Variants in LRP1B observed in about 807,000 individuals in gnomAD.
LRP1B encodes the protein LDL receptor related protein 1B.
LRP1B carries 217 observed loss-of-function variants against 556.6 expected under a neutral mutation model. The ratio of observed to expected loss-of-function variants is 0.39; its 90% CI spans 0.35 to 0.44. The LOEUF is 0.44. Ranked by LOEUF, LRP1B falls within the 20% of genes least tolerant of loss-of-function variation. The pLI is 1.00. For synonymous variants in LRP1B, 2,047 were observed against 1,865.8 expected (o/e 1.10, Z -2.50); for missense variants, 5,053 against 5,620.8 (o/e 0.90, Z 3.23).
intron 1 of LRP1B, among the ~76,000 whole-genome samples, chr2:142,074,272 C>T (rs10201480): frequency 0.082 from 12,434 of 152,066 alleles, 547 homozygotes; most frequent in African/African-American, 0.092. Context: ...TCCAATTCTG[C>T]CTTTCCCAGT....
intron 3 of LRP1B, among the ~76,000 whole-genome samples, chr2:141,310,646 C>T (rs1686778993): frequency 6.6e-6 from 1 of 152,112 alleles, no homozygotes; most frequent in South Asian, 2.1e-4. Flanking sequence ...TACACGGACA[C>T]ACACAAAGAA....
intron 2 of LRP1B, among the ~76,000 whole-genome samples, chr2:141,779,213 A>G (rs1290732018): frequency 1.3e-5 from 2 of 151,996 alleles, no homozygotes; most frequent in Non-Finnish European, 2.9e-5. Context: ...AAATGATTGG[A>G]TTAGTTGTTT....
At chr2:141,024,603 T>G (rs1161820068) in intron 11 of LRP1B, among the ~76,000 whole-genome samples, 1 of 152,012 alleles carries the variant, frequency 6.6e-6, no homozygotes, top group Non-Finnish European at 1.5e-5. Context: ...TCTAAAATGA[T>G]GAATAAAATG....
At chr2:141,051,662 G>A (rs1373532294) in intron 10 of LRP1B, among the ~76,000 whole-genome samples, 1 of 152,052 alleles carries the variant, frequency 6.6e-6, no homozygotes, top group Non-Finnish European at 1.5e-5. Context: ...CTGAGAAAGA[G>A]CCGATATCTT....
At chr2:141,641,213 T>A (rs1689320348) in intron 2 of LRP1B, among the ~76,000 whole-genome samples, 1 of 128,276 alleles carries the variant, frequency 7.8e-6, no homozygotes, top group Admixed American at 7.9e-5. Flanking sequence ...TTGGTTACAG[T>A]GTGGTGCTAA....
intron 7 of LRP1B, among the ~76,000 whole-genome samples, chr2:141,162,193 A>G (rs1281593347): frequency 6.6e-6 from 1 of 152,104 alleles, no homozygotes. Flanking sequence ...TATTTTATAA[A>G]TATGCTTTTG....
At chr2:141,623,871 C>T (rs1033898015) in intron 2 of LRP1B, among the ~76,000 whole-genome samples, 13 of 151,000 alleles carry the variant, frequency 8.6e-5, no homozygotes, top group Non-Finnish European at 1.3e-4. Flanking sequence ...AAAAATTAGC[C>T]GGGCACGGTG....
chr2:141,804,716 T>C (rs994741431), intron 2 of LRP1B, among the ~76,000 whole-genome samples: 2 of 151,930 alleles, frequency 1.3e-5, no homozygotes, highest in African/African-American at 2.4e-5. Context: ...GGAAGGCAGA[T>C]GGGGTATAGA....
intron 3 of LRP1B, among the ~76,000 whole-genome samples, chr2:141,388,995 C>A (rs1183003224): frequency 1.3e-5 from 2 of 151,978 alleles, no homozygotes; most frequent in Non-Finnish European, 2.9e-5. Context: ...AATGTAAGAC[C>A]TAAATAAATG....
intron 20 of LRP1B, among the ~76,000 whole-genome samples, chr2:140,949,134 T>G (rs1477482919): frequency 6.6e-6 from 1 of 152,194 alleles, no homozygotes; most frequent in Non-Finnish European, 1.5e-5. Flanking sequence ...ATAAATTACT[T>G]TGTTGCTTGT....
intron 2 of LRP1B, among the ~76,000 whole-genome samples, chr2:141,617,073 T>C (rs1481280739): frequency 6.6e-6 from 1 of 152,214 alleles, no homozygotes; most frequent in African/African-American, 2.4e-5. Context: ...CCTCTTTTTA[T>C]TTCATTTTAT....
intron 32 of LRP1B, among the ~76,000 whole-genome samples, chr2:140,812,397 G>A (rs1001877865): frequency 3.3e-5 from 5 of 152,048 alleles, no homozygotes; most frequent in Non-Finnish European, 2.9e-5. Flanking sequence ...TCACAAGAGA[G>A]AGGAAGACTC....
At chr2:140,706,924 A>C (rs16844571) in intron 37 of LRP1B, among the ~76,000 whole-genome samples, 2,303 of 152,216 alleles carry the variant, frequency 0.015, 48 homozygotes, top group African/African-American at 0.05. Context: ...GACAGCTAAC[A>C]TTAGTGACAA....
At chr2:141,873,883 A>G (rs889441335) in intron 1 of LRP1B, among the ~76,000 whole-genome samples, 2 of 151,902 alleles carry the variant, frequency 1.3e-5, no homozygotes, top group African/African-American at 2.4e-5. Context: ...TACAAGTTTA[A>G]TGAGAGTATA....
At chr2:141,204,900 G>A (rs1243002811) in intron 6 of LRP1B, among the ~76,000 whole-genome samples, 1 of 151,790 alleles carries the variant, frequency 6.6e-6, no homozygotes, top group African/African-American at 2.4e-5. Flanking sequence ...TCATGGCACT[G>A]CACCCTAGCC....
At chr2:140,833,205 C>T (rs923605891) in intron 31 of LRP1B, among the ~76,000 whole-genome samples, 1 of 151,776 alleles carries the variant, frequency 6.6e-6, no homozygotes. Flanking sequence ...TGAATGAATA[C>T]AAATTATTGT....
At chr2:140,248,642 AG>A (rs1383254932) in intron 86 of LRP1B, among the ~76,000 whole-genome samples, 4 of 151,714 alleles carry the variant, frequency 2.6e-5, no homozygotes, top group African/African-American at 9.7e-5. Context: ...ATTAGAATAA[AG>A]TGAACAACAA....
chr2:141,754,222 C>T (rs1440560118), intron 2 of LRP1B, among the ~76,000 whole-genome samples: 7 of 151,824 alleles, frequency 4.6e-5, no homozygotes, highest in Non-Finnish European at 1.0e-4. Flanking sequence ...TCATTTTTGA[C>T]CTCTAACATT....
intron 84 of LRP1B, among the ~76,000 whole-genome samples, chr2:140,278,341 A>T (rs1305256139): frequency 6.6e-6 from 1 of 152,020 alleles, no homozygotes. Flanking sequence ...GTGATTTTTA[A>T]ACTTTTCTGT....
Sources: allele counts gnomAD v4.1 joint callset (sites outside exome capture counted in the v4.1 genomes callset), GRCh38; gene constraint gnomAD v4.1.1; transcripts MANE v1.5; gene names NCBI Gene and HGNC (gene_info 2026-07-23, HGNC 2026-07-21).